CSMD3: variants seen among roughly 807,000 people sequenced by gnomAD.
The protein encoded by CSMD3 is CUB and Sushi multiple domains 3.
In CSMD3, 177 loss-of-function variants were observed where a neutral mutation model predicts 435.2. The ratio of observed to expected loss-of-function variants is 0.41; its 90% CI spans 0.36 to 0.46. The LOEUF is 0.46. CSMD3 is among the 20% of genes least tolerant of loss of function. CSMD3 has a pLI of 0.34. For synonymous variants in CSMD3, 1,656 were observed against 1,520.5 expected (o/e 1.09, Z -2.07); for missense variants, 4,265 against 4,504.6 (o/e 0.95, Z 1.52).
intron 5 of CSMD3, among the ~76,000 whole-genome samples, chr8:113,029,490 T>G (rs2131228236): frequency 6.6e-6 from 1 of 151,732 alleles, no homozygotes; most frequent in Admixed American, 6.6e-5. Flanking sequence ...TCAATAAATG[T>G]GATACACCAC....
intron 4 of CSMD3, among the ~76,000 whole-genome samples, chr8:113,113,200 GT>G (rs2131605626): frequency 6.6e-6 from 1 of 152,114 alleles, no homozygotes; most frequent in South Asian, 2.1e-4. Flanking sequence ...TGAATATTTT[GT>G]TTTAGTTTTA....
In CSMD3 at chr8:112,244,702, T is replaced by G. The variant is rs1489474416; in HGVS notation, c.10223-129A>C. ...TACATATATCTTAGAATAATTATTC[T>G]AATAAATCACAAAAATGTTTCAATG... On this transcript the variant is annotated intron_variant, in intron 64 of 70. Transcript: ENST00000297405. The G allele has an allele frequency of 2.1e-5, 14 of 664,258 alleles. No homozygotes were observed. The Admixed American group carries it at 3.6e-4, about 17-fold the overall frequency. 41.1% of individuals were successfully genotyped at this position (664,258 alleles called of 1,614,324 possible).
intron 20 of CSMD3, among the ~76,000 whole-genome samples, chr8:112,644,130 G>C (rs2074912830): frequency 6.6e-6 from 1 of 151,666 alleles, no homozygotes; most frequent in African/African-American, 2.4e-5. Flanking sequence ...AGCTCTTTTA[G>C]AAGATCAACC....
chr8:112,679,181 G>A (rs2075832891), intron 16 of CSMD3, among the ~76,000 whole-genome samples: 1 of 151,390 alleles, frequency 6.6e-6, no homozygotes, highest in South Asian at 2.1e-4. Flanking sequence ...GTAGAATTCA[G>A]GCAAAATGAA....
At chr8:113,273,634 A>G (rs2093547400) in intron 3 of CSMD3, among the ~76,000 whole-genome samples, 1 of 152,164 alleles carries the variant, frequency 6.6e-6, no homozygotes, top group Admixed American at 6.6e-5. Flanking sequence ...AATTTCAGGC[A>G]TCCACTGGAA....
chr8:112,360,528 G>C (rs543196559), intron 38 of CSMD3, among the ~76,000 whole-genome samples: 1 of 151,780 alleles, frequency 6.6e-6, no homozygotes, highest in South Asian at 2.1e-4. Context: ...TAATCACAGA[G>C]ATAAATAACC....
chr8:112,874,104 T>C (rs1008692069), intron 10 of CSMD3, among the ~76,000 whole-genome samples: 1 of 152,182 alleles, frequency 6.6e-6, no homozygotes, highest in Non-Finnish European at 1.5e-5. Context: ...TTCTGGTATG[T>C]TGTGTCTTTG....
intron 2 of CSMD3, among the ~76,000 whole-genome samples, chr8:113,289,555 AG>A (rs2093670812): frequency 2.6e-4 from 1 of 3,806 alleles, no homozygotes; most frequent in Non-Finnish European, 1.1e-3. Context: ...AGAGAGAGAC[AG>A]AGAGAGAGAG....
At chr8:112,238,917 G>C (rs897526568) in intron 66 of CSMD3, among the ~76,000 whole-genome samples, 2 of 151,962 alleles carry the variant, frequency 1.3e-5, no homozygotes, top group African/African-American at 4.8e-5. Flanking sequence ...TATGGCCTGA[G>C]AAGGACTCCA....
At chr8:112,446,777 G>A (rs775318588) in intron 32 of CSMD3, among the ~76,000 whole-genome samples, 5 of 152,044 alleles carry the variant, frequency 3.3e-5, no homozygotes, top group Admixed American at 1.3e-4. Flanking sequence ...TTTTGCTTTC[G>A]AAAACCAGAT....
intron 13 of CSMD3, among the ~76,000 whole-genome samples, chr8:112,796,780 T>C (rs1323147174): frequency 6.6e-6 from 1 of 152,002 alleles, no homozygotes; most frequent in Non-Finnish European, 1.5e-5. Flanking sequence ...TAAATAATAG[T>C]TTTGGCAAAC....
In CSMD3 at chr8:112,685,476, A is replaced by G. The variant is rs780397695; in HGVS notation, c.2412T>C (p.Ser804=). Residue 804 remains serine, a synonymous_variant, in exon 15 of 71, where the codon AGT becomes AGC. Coordinates refer to ENST00000297405, the MANE Select transcript of CSMD3 (RefSeq NM_198123.2). Reference sequence around the variant, plus strand: ...CCTGAAATTCCAATCGCAGTATGTGACTATTACTAGTAAGATGGGAAGGCA... The same window carrying G: ...CCTGAAATTCCAATCGCAGTATGTGGCTATTACTAGTAAGATGGGAAGGCA... The part of the protein sequence containing the change: ...AEVPSHLTSN[S]HILRLEFQAD... 6.2e-7 allele frequency: 1 copy of G among 1,614,062 alleles called. No homozygotes were observed. The highest frequency in any genetic ancestry group is 1.1e-5 in the South Asian group (1 of 91,086).
At chr8:113,109,482 A>T (rs1465209499) in intron 4 of CSMD3, among the ~76,000 whole-genome samples, 2 of 152,234 alleles carry the variant, frequency 1.3e-5, no homozygotes, top group African/African-American at 4.8e-5. Context: ...TCCCATTCCA[A>T]TAGGGAGAAA....
chr8:112,411,063 C>G (rs1811282923), intron 32 of CSMD3, among the ~76,000 whole-genome samples: 1 of 147,770 alleles, frequency 6.8e-6, no homozygotes, highest in Non-Finnish European at 1.5e-5. Flanking sequence ...ACATTTAAAA[C>G]AACTAAAATA....
chr8:112,587,329 T>C lies in CSMD3; in HGVS notation c.3716-94A>G, dbSNP rs560129961. On this transcript the variant is annotated intron_variant, in intron 22 of 70. Transcript: ENST00000297405. ...TATGGAAGTGTTATGCATTTTATTTTACCTAAAGCCTAGTAGAAAAATAAT... is the reference window on the plus strand; with the variant it reads ...TATGGAAGTGTTATGCATTTTATTTCACCTAAAGCCTAGTAGAAAAATAAT... 6.5e-6 allele frequency: 6 copies of C among 923,122 alleles called. No individual in the cohort carries two copies. In the East Asian group the frequency reaches 1.2e-4, roughly 19 times the overall value. The allele number at this position is 923,122 out of a possible 1,614,324, so 57.2% of individuals were successfully genotyped here. A position where few individuals can be genotyped will look rare whatever the true frequency, so the allele number is the denominator to read the frequency against.
At chr8:112,281,431 C>A (rs976735300) in intron 58 of CSMD3, 81 bp from the exon 59 acceptor site, 1 of 1,106,164 alleles carries the variant, frequency 9.0e-7, no homozygotes, top group South Asian at 1.3e-5. Flanking sequence ...CTAAACGATT[C>A]TTTCAAATTA....
In CSMD3 at chr8:113,028,649, G is replaced by A. The variant is rs1418750910; in HGVS notation, c.918-9470C>T. On this transcript the variant is annotated intron_variant, in intron 5 of 70. Coordinates refer to ENST00000297405, the MANE Select transcript of CSMD3 (RefSeq NM_198123.2). ...GATACGGAGAAAGTTTTAGTGGTTT[G>A]GATATAAGATCAAACCAACCACCAT... Among the ~76,000 whole-genome samples the A allele has an allele frequency of 2.7e-4, 41 of 151,422 alleles. 1 individual carries two copies. The highest frequency in any genetic ancestry group is 1.5e-5 in the Non-Finnish European group (1 of 67,688).
intron 21 of CSMD3, among the ~76,000 whole-genome samples, 184 bp downstream of exon 21, chr8:112,638,512 G>A (rs2074728073): frequency 6.6e-6 from 1 of 151,598 alleles, no homozygotes; most frequent in Non-Finnish European, 1.5e-5. Flanking sequence ...TATTACTAGA[G>A]ATAATCTTCA....
In CSMD3 at chr8:112,516,811, G is replaced by C. The variant is rs188951924; in HGVS notation, c.4756+223C>G. Among the ~76,000 whole-genome samples, 293 of 152,146 alleles carry C rather than the reference G, an allele frequency of 1.9e-3. 2 individuals carry two copies. Among genetic ancestry groups the C allele is most frequent in the African/African-American group, 6.6e-3 (273 of 41,520 alleles). ...AGAGCTTTGATTCATAACTGTTTTA[G>C]AATCTTAGAAGCATTGAAAAAATTA... On this transcript the variant is annotated intron_variant, in intron 28 of 70. Transcript: ENST00000297405.
Sources: gnomAD v4.1 joint callset for allele counts (sites outside exome capture counted in the v4.1 genomes callset) on GRCh38, gnomAD v4.1.1 for gene constraint, MANE v1.5 for transcripts, NCBI Gene and HGNC (gene_info 2026-07-23, HGNC 2026-07-21) for gene names.